ZNF385B: variants seen among roughly 807,000 people sequenced by gnomAD.
ZNF385B encodes the protein zinc finger protein 533.
In ZNF385B, 23 loss-of-function variants were observed where a neutral mutation model predicts 39.2. That is an observed-to-expected ratio of 0.59 (90% confidence interval 0.42 to 0.83). ZNF385B has a LOEUF of 0.83. Ranked by LOEUF, ZNF385B falls within the 40% of genes least tolerant of loss-of-function variation. The probability of loss-of-function intolerance (pLI) is 0.00; values close to 1 mark genes in which losing one functional copy is unlikely to be tolerated. For synonymous variants in ZNF385B, 205 were observed against 222.6 expected, an observed-to-expected ratio of 0.92 and a Z score of 0.70; for missense variants, 552 against 598.9, an observed-to-expected ratio of 0.92 and a Z score of 0.82.
intron 1 of ZNF385B, among the ~76,000 whole-genome samples, chr2:179,854,839 C>T (rs1684455880): frequency 6.6e-6 from 1 of 152,184 alleles, no homozygotes; most frequent in African/African-American, 2.4e-5. Flanking sequence ...AAAAAGTACA[C>T]ATCACATCAC....
At position 179,774,058 on chromosome 2, in the gene ZNF385B, C is replaced by T. The variant is rs74621250; in HGVS notation, c.-154-3386G>A. On this transcript the variant is annotated intron_variant, in intron 1 of 9. Transcript: ENST00000410066. ...TGTGGTACATGTGATGTGTGGTTTGCGTGTGGGGTGTGTGTGGTATGTGCG... is the reference window on the plus strand; with the variant it reads ...TGTGGTACATGTGATGTGTGGTTTGTGTGTGGGGTGTGTGTGGTATGTGCG... Among the ~76,000 whole-genome samples, 764 of 150,866 alleles carry T rather than the reference C, an allele frequency of 5.1e-3. 7 individuals are homozygous for T. The highest frequency in any genetic ancestry group is 0.017 in the African/African-American group (690 of 41,116).
chr2:179,517,689 A>G (rs1456248939), intron 5 of ZNF385B, among the ~76,000 whole-genome samples: 1 of 152,130 alleles, frequency 6.6e-6, no homozygotes, highest in Non-Finnish European at 1.5e-5. Context: ...ACCACATATT[A>G]TATGCAGCCT....
chr2:179,802,474 C>A (rs1706094167), intron 1 of ZNF385B: 1 of 152,100 alleles, frequency 6.6e-6, no homozygotes, highest in Admixed American at 6.6e-5. Context: ...TTCATCCCTT[C>A]ATTTGAAGTA....
At chr2:179,685,936 G>C (rs1230482461) in intron 3 of ZNF385B, among the ~76,000 whole-genome samples, 1 of 152,186 alleles carries the variant, frequency 6.6e-6, no homozygotes, top group Non-Finnish European at 1.5e-5. Context: ...CCAGTGTAAA[G>C]ATGATATGGA....
chr2:179,820,640 G>A (rs1341316565), intron 1 of ZNF385B, among the ~76,000 whole-genome samples: 5 of 152,104 alleles, frequency 3.3e-5, no homozygotes, highest in East Asian at 3.9e-4. Context: ...ATAGGGTGAT[G>A]AATTTTTCTA....
At chr2:179,737,171 G>T (rs1701814897) in intron 3 of ZNF385B, among the ~76,000 whole-genome samples, 1 of 152,192 alleles carries the variant, frequency 6.6e-6, no homozygotes, top group African/African-American at 2.4e-5. Context: ...GAAAGCTGTT[G>T]AGTGGCGGTG....
chr2:179,517,311 T>C (rs2058161484), intron 5 of ZNF385B, among the ~76,000 whole-genome samples: 1 of 151,950 alleles, frequency 6.6e-6, no homozygotes, highest in Non-Finnish European at 1.5e-5. Context: ...AGGATTGTGC[T>C]GGATCTATAG....
chr2:179,569,954 G>A (rs914223805), intron 3 of ZNF385B, among the ~76,000 whole-genome samples: 1 of 152,130 alleles, frequency 6.6e-6, no homozygotes, highest in Non-Finnish European at 1.5e-5. Flanking sequence ...TGACCCCTAT[G>A]TAATAAATCT....
chr2:179,756,848 C>G (rs1052112901), intron 3 of ZNF385B, among the ~76,000 whole-genome samples: 8 of 152,160 alleles, frequency 5.3e-5, no homozygotes, highest in Admixed American at 1.3e-4. Flanking sequence ...ACTGGTTATT[C>G]TAGTTAGCCA....
At chr2:179,829,809 G>A (rs938333950) in intron 1 of ZNF385B, among the ~76,000 whole-genome samples, 12 of 152,178 alleles carry the variant, frequency 7.9e-5, no homozygotes, top group Admixed American at 2.6e-4. Flanking sequence ...CACCGCGCCC[G>A]GCCTGGATAT....
chr2:179,728,177 C>T (rs188402580), intron 3 of ZNF385B, among the ~76,000 whole-genome samples: 103 of 152,196 alleles, frequency 6.8e-4, no homozygotes, highest in African/African-American at 1.1e-3. Flanking sequence ...CAATAATAAT[C>T]TCCATATAAT....
At chr2:179,735,679 A>G (rs1481117079) in intron 3 of ZNF385B, among the ~76,000 whole-genome samples, 2 of 149,872 alleles carry the variant, frequency 1.3e-5, no homozygotes, top group Non-Finnish European at 3.0e-5. Flanking sequence ...TGGCACATAT[A>G]CACAATGGAA....
chr2:179,492,002 CTTTTA>C (rs2055287910), intron 5 of ZNF385B, among the ~76,000 whole-genome samples: 1 of 152,106 alleles, frequency 6.6e-6, no homozygotes, highest in African/African-American at 2.4e-5. Context: ...GCCTGGCCAT[CTTTTA>C]TTTTATAATA....
intron 1 of ZNF385B, among the ~76,000 whole-genome samples, chr2:179,781,220 C>A (rs1704645481): frequency 6.6e-6 from 1 of 152,122 alleles, no homozygotes; most frequent in South Asian, 2.1e-4. Flanking sequence ...AGATGCAGGA[C>A]TTACACTAAG....
chr2:179,723,363 G>A (rs969250995), intron 3 of ZNF385B, among the ~76,000 whole-genome samples: 2 of 152,108 alleles, frequency 1.3e-5, no homozygotes, highest in African/African-American at 4.8e-5. Context: ...GTTCAAACCA[G>A]TATTGCTTCT....
intron 1 of ZNF385B, among the ~76,000 whole-genome samples, chr2:179,795,829 T>C (rs999657685): frequency 4.6e-5 from 7 of 152,140 alleles, no homozygotes; most frequent in African/African-American, 1.7e-4. Flanking sequence ...TATGAAGCAA[T>C]CCCCAGTTTA....
chr2:179,694,829 C>G (rs1406289932), intron 3 of ZNF385B, among the ~76,000 whole-genome samples: 1 of 152,094 alleles, frequency 6.6e-6, no homozygotes, highest in African/African-American at 2.4e-5. Flanking sequence ...ACTCGGGAGG[C>G]TGAGGCAGGA....
At chr2:179,601,343 A>AAT (rs1688394666) in intron 3 of ZNF385B, among the ~76,000 whole-genome samples, 1 of 152,170 alleles carries the variant, frequency 6.6e-6, no homozygotes, top group African/African-American at 2.4e-5. Flanking sequence ...GCAATAATGA[A>AAT]ATATTCATTT....
At chr2:179,818,737 A>T (rs568977906) in intron 1 of ZNF385B, among the ~76,000 whole-genome samples, 1 of 152,174 alleles carries the variant, frequency 6.6e-6, no homozygotes, top group African/African-American at 2.4e-5. Flanking sequence ...CTAGGAGGAA[A>T]CACATCACAC....
Sources: allele counts gnomAD v4.1 joint callset (sites outside exome capture counted in the v4.1 genomes callset), GRCh38; gene constraint gnomAD v4.1.1; transcripts MANE v1.5; gene names NCBI Gene and HGNC (gene_info 2026-07-23, HGNC 2026-07-21).